Variants in ABR observed in about 807,000 individuals in gnomAD.
The protein encoded by ABR is active breakpoint cluster region-related protein.
Under a neutral mutation model 107.2 loss-of-function variants are expected in ABR, and 35 were observed. The observed-to-expected ratio is 0.33, with a 90% confidence interval of 0.25 to 0.43. ABR has a LOEUF of 0.43. ABR is among the 20% of genes least tolerant of loss of function. The pLI, the probability that ABR is intolerant of heterozygous loss-of-function variation, is 1.00. For synonymous variants in ABR, 498 were observed against 462.0 expected, an observed-to-expected ratio of 1.08 and a Z score of -1.00; for missense variants, 815 against 1,115.2, an observed-to-expected ratio of 0.73 and a Z score of 3.83.
In ABR at chr17:1,010,789, G is replaced by A. The variant is rs750806526; in HGVS notation, c.2176C>T (p.Arg726Trp). ...AIAGTLKLYF[R>W]ELPEPLLTDR... ...GTGAGGAGCGGCTCGGGCAGTTCCCGGAAGTACAGCTTGAGCGTCCCGGCG... is the reference window on the plus strand; with the variant it reads ...GTGAGGAGCGGCTCGGGCAGTTCCCAGAAGTACAGCTTGAGCGTCCCGGCG... Residue 726 changes from arginine to tryptophan, a missense_variant, in exon 20 of 23, where the codon CGG becomes TGG. Around this residue, in one of 5 missense-constraint regions of ABR, gnomAD observed 175 missense variants for 284.3 expected, o/e 0.62. Coordinates refer to ENST00000302538, the MANE Select transcript of ABR (RefSeq NM_021962.5). This position sits in a 1 kb window ranked among gnomAD's most constrained non-coding sequence, Gnocchi z 4.1. The A allele has an allele frequency of 1.9e-6, 3 of 1,613,754 alleles. No individual in the cohort carries two copies. Among genetic ancestry groups the A allele is most frequent in the Admixed American group, 1.7e-5 (1 of 60,018 alleles).
chr17:1,207,076 T>A (rs750931124), intron 1 of ABR, among the ~76,000 whole-genome samples: 1 of 124,700 alleles, frequency 8.0e-6, no homozygotes, highest in African/African-American at 2.7e-5. Context: ...AGAGTGAGAC[T>A]CCATCTCAAA....
rs2035957485 is a variant in ABR at position 1,078,845 on chromosome 17, G to A, written c.700+485C>T. 1 of 1,535,576 alleles carries A rather than the reference G, an allele frequency of 6.5e-7. No individual in the cohort carries two copies. Among genetic ancestry groups the A allele is most frequent in the African/African-American group, 1.4e-5 (1 of 73,160 alleles). ...TGCAGTTACAGCAGAAGCGAATAAT[G>A]AGGAGAATCTCCATGGCAGCCTCTG... On this transcript the variant is annotated intron_variant, in intron 6 of 22. Coordinates refer to ENST00000302538, the MANE Select transcript of ABR (RefSeq NM_021962.5). The surrounding 1 kb of genome is among the most constrained non-coding windows in gnomAD (Gnocchi z 7.5).
At chr17:1,081,216 G>A (rs1380604203) in intron 5 of ABR, among the ~76,000 whole-genome samples, 1 of 152,194 alleles carries the variant, frequency 6.6e-6, no homozygotes, top group Non-Finnish European at 1.5e-5. Flanking sequence ...AAACCGCAGG[G>A]AAAGCACCAT....
At chr17:1,030,056 C>G (rs1376325268) in intron 16 of ABR, among the ~76,000 whole-genome samples, 1 of 152,366 alleles carries the variant, frequency 6.6e-6, no homozygotes, top group Non-Finnish European at 1.5e-5. Flanking sequence ...AACTGCTCAG[C>G]AGCTCAATAG....
intron 17 of ABR, 140 bp from the exon 18 acceptor site, chr17:1,012,937 G>A: frequency 9.5e-7 from 1 of 1,055,308 alleles, no homozygotes; most frequent in South Asian, 1.3e-5. Flanking sequence ...AACACCTGCA[G>A]GACAGCAGCG....
At position 1,051,725 on chromosome 17, in the gene ABR, G is replaced by C. The variant is rs2032556911; in HGVS notation, c.1562-1091C>G. 6.6e-6 allele frequency among the ~76,000 whole-genome samples: 1 copy of C among 152,190 alleles called. No homozygotes were observed. The highest frequency in any genetic ancestry group is 2.1e-4 in the South Asian group (1 of 4,830). ...GTCACAGTGCGGGCATACAGTGCAG[G>C]TGGCTTACTCCACTTAGCCCCTGCA... On this transcript the variant is annotated intron_variant, in intron 14 of 22. Coordinates refer to ENST00000302538, the MANE Select transcript of ABR (RefSeq NM_021962.5). This position sits in a 1 kb window ranked among gnomAD's most constrained non-coding sequence, Gnocchi z 4.3.
upstream of ABR, chr17:1,181,784 C>G (rs1023975872): frequency 1.3e-5 from 2 of 152,338 alleles, no homozygotes; most frequent in East Asian, 3.9e-4. Flanking sequence ...CCACCAGGAG[C>G]CACCAGCCCA....
chr17:1,219,348 C>A (rs1041872187), intron 1 of ABR, among the ~76,000 whole-genome samples: 2 of 139,268 alleles, frequency 1.4e-5, no homozygotes, highest in Middle Eastern at 3.9e-3. Context: ...CCAGCCATGG[C>A]CTCACACACC....
intron 2 of ABR, among the ~76,000 whole-genome samples, chr17:1,116,047 TG>T (rs1424415540): frequency 3.9e-5 from 6 of 151,958 alleles, no homozygotes; most frequent in Non-Finnish European, 7.4e-5. Context: ...GCCAACATGA[TG>T]AAACCCCATC....
rs2032580737 is a variant in ABR at position 1,051,921 on chromosome 17, A to G, written c.1562-1287T>C. ...AAACCCCATCTCTACTAAAAATACA[A>G]AAGTGAGCCCGGCGTGGTGGCACAT... On this transcript the variant is annotated intron_variant, in intron 14 of 22. Transcript: ENST00000302538. The surrounding 1 kb of genome is among the most constrained non-coding windows in gnomAD (Gnocchi z 4.3). 6.6e-6 allele frequency among the ~76,000 whole-genome samples: 1 copy of G among 152,082 alleles called. No individual in the cohort carries two copies. The highest frequency in any genetic ancestry group is 6.5e-5 in the Admixed American group (1 of 15,268).
Position 1,157,866 on chromosome 17 carries a change from A to C in ABR, c.61+21801T>G, listed in dbSNP as rs1013302316. 6.6e-6 allele frequency among the ~76,000 whole-genome samples: 1 copy of C among 152,330 alleles called. No homozygotes were observed. Among genetic ancestry groups the C allele is most frequent in the South Asian group, 2.1e-4 (1 of 4,824 alleles). ...ATTCATGCTGCAGGTCAGCCTAGGA[A>C]GGGATCGTGCAGTTTGGTAGGTCAC... On this transcript the variant is annotated intron_variant, in intron 1 of 22. Coordinates refer to ENST00000302538, the MANE Select transcript of ABR (RefSeq NM_021962.5). The surrounding 1 kb of genome is among the most constrained non-coding windows in gnomAD (Gnocchi z 4.7).
intron 1 of ABR, among the ~76,000 whole-genome samples, chr17:1,227,407 C>A (rs900595752): frequency 1.3e-5 from 2 of 152,144 alleles, no homozygotes; most frequent in African/African-American, 4.8e-5. Context: ...AATCTTCAGG[C>A]TCTTCCCTTA....
chr17:1,135,378 T>TC (rs2040016521), intron 1 of ABR, among the ~76,000 whole-genome samples: 2 of 41,020 alleles, frequency 4.9e-5, no homozygotes, highest in South Asian at 1.5e-3. Context: ...TCTTTTTGTC[T>TC]TTTTTTTTTT....
intron 16 of ABR, among the ~76,000 whole-genome samples, chr17:1,049,625 G>A (rs572557901): frequency 2.6e-5 from 4 of 151,926 alleles, no homozygotes; most frequent in South Asian, 4.2e-4. Context: ...TAAGTCTTTC[G>A]GGCAGAAGAG....
intron 16 of ABR, among the ~76,000 whole-genome samples, chr17:1,034,272 G>A (rs967586758): frequency 6.6e-6 from 1 of 152,146 alleles, no homozygotes; most frequent in Admixed American, 6.5e-5. Context: ...TCACTCTAGA[G>A]GTAGTGACTG....
intron 21 of ABR, among the ~76,000 whole-genome samples, chr17:1,007,524 C>T (rs1457134894): frequency 1.3e-5 from 2 of 152,212 alleles, no homozygotes; most frequent in Non-Finnish European, 2.9e-5. Context: ...GTGCTAACAT[C>T]TCCAGCTGCT....
chr17:1,020,365 G>A, intron 16 of ABR, among the ~76,000 whole-genome samples: 1 of 152,192 alleles, frequency 6.6e-6, no homozygotes, highest in East Asian at 1.9e-4. Context: ...TTCCAGGCGT[G>A]AGCCCCTGCA....
At chr17:1,121,860 C>T (rs1240090472) in intron 2 of ABR, among the ~76,000 whole-genome samples, 1 of 152,154 alleles carries the variant, frequency 6.6e-6, no homozygotes, top group Non-Finnish European at 1.5e-5. Context: ...TGAGGCTCAG[C>T]GGTATGAGGA....
chr17:1,118,455 C>G (rs2039160926), intron 2 of ABR, among the ~76,000 whole-genome samples: 1 of 50,476 alleles, frequency 2.0e-5, no homozygotes, highest in African/African-American at 8.2e-5. Flanking sequence ...TGAGTTCCTC[C>G]CAGCGTTATC....
Sources: allele counts gnomAD v4.1 joint callset (sites outside exome capture counted in the v4.1 genomes callset), GRCh38; gene constraint gnomAD v4.1.1; regional missense constraint gnomAD v4.1.1; non-coding constraint Gnocchi (gnomAD v3.1); transcripts MANE v1.5; gene names NCBI Gene and HGNC (gene_info 2026-07-23, HGNC 2026-07-21).